AGO2: variants seen among roughly 807,000 people sequenced by gnomAD.
AGO2 encodes the protein protein argonaute-2.
In AGO2, 5 loss-of-function variants were observed where a neutral mutation model predicts 102.3. That is an observed-to-expected ratio of 0.05 (90% CI 0.03 to 0.10). The LOEUF (loss-of-function observed/expected upper bound fraction) is 0.10. Among genes scored for constraint, AGO2 ranks in the 10% least tolerant of loss-of-function variants. The pLI, the probability that AGO2 is intolerant of heterozygous loss-of-function variation, is 1.00. For synonymous variants in AGO2, 449 were observed against 473.1 expected (o/e 0.95, Z 0.66); for missense variants, 541 against 1,183.7 (o/e 0.46, Z 7.97).
chr8:140,573,614 C>A (rs928425281), intron 2 of AGO2, among the ~76,000 whole-genome samples: 13 of 152,338 alleles, frequency 8.5e-5, no homozygotes, highest in Non-Finnish European at 1.2e-4. Flanking sequence ...ACGGGAGAAC[C>A]TGATACGCGC....
chr8:140,568,649 G>A (rs557004813), intron 3 of AGO2, among the ~76,000 whole-genome samples: 2 of 152,332 alleles, frequency 1.3e-5, no homozygotes, highest in East Asian at 3.9e-4. Flanking sequence ...GCCAGGTGCT[G>A]AGGTCTAAAG....
intron 2 of AGO2, among the ~76,000 whole-genome samples, chr8:140,574,133 C>A (rs2073428185): frequency 2.0e-5 from 3 of 149,064 alleles, no homozygotes; most frequent in South Asian, 2.1e-4. Context: ...CCACCCTCCA[C>A]CCCCCAACCC....
chr8:140,614,476 A>T (rs2074117577), intron 1 of AGO2, among the ~76,000 whole-genome samples: 1 of 152,244 alleles, frequency 6.6e-6, no homozygotes, highest in Non-Finnish European at 1.5e-5. Flanking sequence ...TTGATTCCCT[A>T]ATGAAGTTTG....
At chr8:140,545,434 G>A (rs2977478) in intron 13 of AGO2, among the ~76,000 whole-genome samples, 23,855 of 152,020 alleles carry the variant, frequency 0.16, 2,269 homozygotes, top group African/African-American at 0.27. Context: ...TCCGCTGCTG[G>A]TTCCTCCCTC....
chr8:140,561,837 C>G (rs759416921), intron 4 of AGO2, among the ~76,000 whole-genome samples: 2 of 152,192 alleles, frequency 1.3e-5, no homozygotes, highest in African/African-American at 4.8e-5. Context: ...AACTTGTTCC[C>G]GGGCACCAGT....
At chr8:140,593,563 A>C (rs999855225) in intron 1 of AGO2, among the ~76,000 whole-genome samples, 14 of 152,014 alleles carry the variant, frequency 9.2e-5, no homozygotes, top group East Asian at 7.7e-4. Flanking sequence ...AAAAAAAAAA[A>C]AAAAAAAACT....
At chr8:140,619,482 G>A (rs975338569) in intron 1 of AGO2, among the ~76,000 whole-genome samples, 5 of 152,228 alleles carry the variant, frequency 3.3e-5, no homozygotes, top group Non-Finnish European at 7.3e-5. Flanking sequence ...AGGGAGCAGG[G>A]AAAACAGACC....
At chr8:140,555,211 C>A (rs2073074060) in intron 10 of AGO2, among the ~76,000 whole-genome samples, 1 of 152,198 alleles carries the variant, frequency 6.6e-6, no homozygotes, top group Non-Finnish European at 1.5e-5. Flanking sequence ...CACCTCTGGG[C>A]CCTCCCATCA....
chr8:140,624,479 A>G (rs1313644462), intron 1 of AGO2, among the ~76,000 whole-genome samples: 2 of 152,226 alleles, frequency 1.3e-5, no homozygotes, highest in Non-Finnish European at 2.9e-5. Flanking sequence ...TCCGGCCACC[A>G]ATCTGCAAGA....
At chr8:140,610,974 A>G (rs183373632) in intron 1 of AGO2, among the ~76,000 whole-genome samples, 50 of 152,364 alleles carry the variant, frequency 3.3e-4, no homozygotes, top group African/African-American at 1.1e-3. Context: ...TCTCTCCGAA[A>G]CACTCTGGGA....
chr8:140,607,495 TATATATATATATATATATATACAC>T (rs1182529267), intron 1 of AGO2, among the ~76,000 whole-genome samples: 13 of 11,526 alleles, frequency 1.1e-3, no homozygotes, highest in African/African-American at 3.7e-3. Flanking sequence ...TATATATATA[TATATATATATATATATATATACAC>T]ACACACACAC....
intron 1 of AGO2, among the ~76,000 whole-genome samples, chr8:140,597,470 CCCCA>C (rs1387064821): frequency 0.086 from 1,287 of 14,960 alleles, 76 homozygotes; most frequent in African/African-American, 0.15. Flanking sequence ...TGGGTGGCCC[CCCCA>C]CCCCCCCCCC....
At chr8:140,564,670 C>T (rs534098039) in intron 3 of AGO2, among the ~76,000 whole-genome samples, 1 of 152,214 alleles carries the variant, frequency 6.6e-6, no homozygotes, top group Admixed American at 6.5e-5. Flanking sequence ...GGGCCAGGCA[C>T]AGTGGCTCAT....
At chr8:140,552,503 T>G (rs537227051) in intron 10 of AGO2, among the ~76,000 whole-genome samples, 230 of 152,004 alleles carry the variant, frequency 1.5e-3, no homozygotes, top group South Asian at 3.1e-3. Context: ...GAGGTTTTTG[T>G]TTTTTTTAGC....
intron 2 of AGO2, among the ~76,000 whole-genome samples, chr8:140,584,436 A>C (rs2073615500): frequency 1.3e-5 from 2 of 152,238 alleles, no homozygotes; most frequent in Admixed American, 6.5e-5. Context: ...GCAGGTTCAC[A>C]TGCAGCTAAA....
chr8:140,592,524 C>T (rs1254149508), intron 1 of AGO2: 2 of 152,240 alleles, frequency 1.3e-5, no homozygotes, highest in Non-Finnish European at 2.9e-5. Flanking sequence ...TCTTGTTACA[C>T]CAACTCTTAG....
rs1378448284 is a variant in AGO2, at chr8:140,520,409, A to AGT, written c.*11633_*11634dup. On this transcript the variant is annotated 3_prime_UTR_variant, in exon 19 of 19. Transcript: ENST00000220592. ...TTTTCCATGAATTTATTGCAAAAAT[A>AGT]GTGCAAACTACTTCACCTAGTAAGC... is the stretch of plus-strand genomic sequence containing the variant. 3.3e-5 allele frequency: 5 copies of AGT among 152,234 alleles called. No individual in the cohort carries two copies. Among genetic ancestry groups the AGT allele is most frequent in the Non-Finnish European group, 4.4e-5 (3 of 68,034 alleles). The allele number at this position is 152,234 out of a possible 1,614,324, so 9.4% of individuals were successfully genotyped here.
At chr8:140,571,325 C>T (rs901187924) in intron 3 of AGO2, among the ~76,000 whole-genome samples, 2 of 152,184 alleles carry the variant, frequency 1.3e-5, no homozygotes, top group Admixed American at 6.5e-5. Flanking sequence ...CCCTGCTGAC[C>T]ATCCAGAAAG....
chr8:140,621,802 G>A (rs1396452761), intron 1 of AGO2, among the ~76,000 whole-genome samples: 1 of 152,158 alleles, frequency 6.6e-6, no homozygotes, highest in Non-Finnish European at 1.5e-5. Context: ...AAGTGTTGAT[G>A]AGGACGCGGA....
Sources: gnomAD v4.1 joint callset for allele counts (sites outside exome capture counted in the v4.1 genomes callset) on GRCh38, gnomAD v4.1.1 for gene constraint, MANE v1.5 for transcripts, NCBI Gene and HGNC (gene_info 2026-07-23, HGNC 2026-07-21) for gene names.